The following FMN2 variants were observed in gnomAD, a reference collection of about 807,000 sequenced individuals.
The protein encoded by FMN2 is formin-2.
Under a neutral mutation model 142.3 loss-of-function variants are expected in FMN2, and 51 were observed. The ratio of observed to expected loss-of-function variants is 0.36; its 90% CI spans 0.29 to 0.45. The LOEUF is 0.45. Among genes scored for constraint, FMN2 ranks in the 20% least tolerant of loss-of-function variants. The pLI, the probability that FMN2 is intolerant of heterozygous loss-of-function variation, is 1.00. For missense variants in FMN2, 1,936 were observed against 2,122.8 expected, an observed-to-expected ratio of 0.91 and a Z score of 1.73; for synonymous variants, 882 against 869.8, an observed-to-expected ratio of 1.01 and a Z score of -0.25.
At chr1:240,367,612 T>C (rs989809908) in intron 14 of FMN2, among the ~76,000 whole-genome samples, 21 of 151,238 alleles carry the variant, frequency 1.4e-4, no homozygotes, top group African/African-American at 3.9e-4. Flanking sequence ...ACTAAAAATA[T>C]AAAAAATAAG....
chr1:240,372,929 G>A (rs1038191535), intron 14 of FMN2, among the ~76,000 whole-genome samples: 3 of 152,186 alleles, frequency 2.0e-5, no homozygotes, highest in Non-Finnish European at 4.4e-5. Context: ...GCTCATGCCT[G>A]TAATCCCAGC....
intron 1 of FMN2, among the ~76,000 whole-genome samples, chr1:240,108,250 C>T (rs1044826871): frequency 2.6e-5 from 4 of 152,120 alleles, no homozygotes; most frequent in African/African-American, 2.4e-5. Flanking sequence ...TTGGATTTCA[C>T]GTTTGTTTTC....
At chr1:240,122,076 AT>A (rs1380379748) in intron 1 of FMN2, among the ~76,000 whole-genome samples, 12 of 131,094 alleles carry the variant, frequency 9.2e-5, no homozygotes, top group Non-Finnish European at 2.0e-4. Flanking sequence ...TAATTAATTA[AT>A]TTATTTATTT....
intron 6 of FMN2, among the ~76,000 whole-genome samples, chr1:240,212,386 C>T (rs1219324605): frequency 1.3e-5 from 2 of 152,190 alleles, no homozygotes; most frequent in African/African-American, 2.4e-5. Flanking sequence ...AATGTAAACC[C>T]AAACATTATG....
chr1:240,329,572 C>T (rs1166779899), intron 10 of FMN2, 104 bp downstream of exon 10: 2 of 1,425,146 alleles, frequency 1.4e-6, no homozygotes, highest in Non-Finnish European at 1.9e-6. Context: ...AAGTACTCAC[C>T]AAATTTGAAG....
intron 2 of FMN2, among the ~76,000 whole-genome samples, chr1:240,124,628 C>T (rs180833634): frequency 6.6e-6 from 1 of 152,136 alleles, no homozygotes; most frequent in Non-Finnish European, 1.5e-5. Context: ...TGAAGGTTGG[C>T]TCACTTGTGC....
At chr1:240,335,916 GGC>G (rs1671538578) in intron 13 of FMN2, among the ~76,000 whole-genome samples, 1 of 151,888 alleles carries the variant, frequency 6.6e-6, no homozygotes, top group Admixed American at 6.6e-5. Flanking sequence ...GGCCGAGACA[GGC>G]AGATCACCTG....
chr1:240,274,417 G>A (rs956073052), intron 7 of FMN2, among the ~76,000 whole-genome samples: 3 of 152,092 alleles, frequency 2.0e-5, no homozygotes, highest in Non-Finnish European at 4.4e-5. Context: ...GGATCAGCAC[G>A]ATGTGAGAGT....
At chr1:240,168,631 A>G (rs148388942) in intron 2 of FMN2, among the ~76,000 whole-genome samples, 11 of 152,310 alleles carry the variant, frequency 7.2e-5, no homozygotes, top group Middle Eastern at 3.4e-3. Flanking sequence ...TATTTCCCCA[A>G]TAGTAATAAT....
chr1:240,290,517 C>A (rs1032883097), intron 7 of FMN2, among the ~76,000 whole-genome samples: 1 of 152,130 alleles, frequency 6.6e-6, no homozygotes, highest in African/African-American at 2.4e-5. Flanking sequence ...TAATCACACC[C>A]ATTATTCCAA....
At chr1:240,315,667 C>T (rs1670758998) in intron 8 of FMN2, among the ~76,000 whole-genome samples, 2 of 152,138 alleles carry the variant, frequency 1.3e-5, no homozygotes, top group Non-Finnish European at 2.9e-5. Context: ...TTTGATCATT[C>T]TTTTGAAAGT....
At chr1:240,097,457 G>A (rs1463741111) in intron 1 of FMN2, among the ~76,000 whole-genome samples, 3 of 150,980 alleles carry the variant, frequency 2.0e-5, no homozygotes, top group East Asian at 2.0e-4. Context: ...CTGAGTTCAC[G>A]CCATTCTCCT....
chr1:240,197,665 G>A (rs1031004984), intron 4 of FMN2, among the ~76,000 whole-genome samples: 14 of 152,174 alleles, frequency 9.2e-5, no homozygotes, highest in Non-Finnish European at 2.1e-4. Flanking sequence ...GGTCACAGAA[G>A]TCCTCTGTTT....
At chr1:240,316,408 G>A (rs1670780443) in intron 8 of FMN2, among the ~76,000 whole-genome samples, 1 of 152,180 alleles carries the variant, frequency 6.6e-6, no homozygotes, top group African/African-American at 2.4e-5. Context: ...TGTGTTTTAG[G>A]TGAGGAATTT....
chr1:240,331,163 G>C (rs1364329835), intron 11 of FMN2, among the ~76,000 whole-genome samples: 2 of 151,872 alleles, frequency 1.3e-5, no homozygotes, highest in East Asian at 1.9e-4. Context: ...AAGGCCAATA[G>C]GTCCATATTT....
intron 14 of FMN2, among the ~76,000 whole-genome samples, chr1:240,377,873 T>G (rs2103077396): frequency 6.6e-6 from 1 of 152,204 alleles, no homozygotes; most frequent in South Asian, 2.1e-4. Context: ...CCCCATAATT[T>G]ATTATATTAT....
chr1:240,202,301 G>A (rs548125343), intron 4 of FMN2, among the ~76,000 whole-genome samples: 1 of 152,088 alleles, frequency 6.6e-6, no homozygotes, highest in South Asian at 2.1e-4. Flanking sequence ...TTTTTGACTG[G>A]CTATGTAAAT....
At chr1:240,205,944 G>T (rs1439043957) in intron 4 of FMN2, among the ~76,000 whole-genome samples, 1 of 149,582 alleles carries the variant, frequency 6.7e-6, no homozygotes, top group Admixed American at 6.7e-5. Flanking sequence ...TTCCCAGGCG[G>T]GAGTGCAGTG....
intron 15 of FMN2, among the ~76,000 whole-genome samples, chr1:240,423,464 G>C (rs757936303): frequency 6.6e-6 from 1 of 152,170 alleles, no homozygotes; most frequent in Non-Finnish European, 1.5e-5. Context: ...GTTTAAACTG[G>C]TATGCTCTCT....
Sources: gnomAD v4.1 joint callset for allele counts (sites outside exome capture counted in the v4.1 genomes callset) on GRCh38, gnomAD v4.1.1 for gene constraint, MANE v1.5 for transcripts, NCBI Gene and HGNC (gene_info 2026-07-23, HGNC 2026-07-21) for gene names.